Variants in RABGAP1L observed in about 807,000 individuals in gnomAD.
RABGAP1L encodes the protein rab GTPase-activating protein 1-like.
A neutral mutation model predicts 137.7 loss-of-function variants in RABGAP1L; 63 were observed. The ratio of observed to expected loss-of-function variants is 0.46; its 90% CI spans 0.37 to 0.56. The LOEUF is 0.56. Among genes scored for constraint, RABGAP1L ranks in the 20% least tolerant of loss-of-function variants. The pLI is 0.00. For synonymous variants in RABGAP1L, 431 were observed against 433.7 expected, an observed-to-expected ratio of 0.99 and a Z score of 0.08; for missense variants, 1,095 against 1,244.0, an observed-to-expected ratio of 0.88 and a Z score of 1.80.
At chr1:174,532,883 TA>T (rs1280702770) in intron 13 of RABGAP1L, among the ~76,000 whole-genome samples, 1 of 152,176 alleles carries the variant, frequency 6.6e-6, no homozygotes, top group East Asian at 1.9e-4. Context: ...TAAAAACTGA[TA>T]AAAAACTATA....
intron 14 of RABGAP1L, among the ~76,000 whole-genome samples, chr1:174,663,476 C>T (rs955725291): frequency 1.3e-5 from 2 of 152,120 alleles, no homozygotes; most frequent in African/African-American, 4.8e-5. Flanking sequence ...AGCTGTATCA[C>T]CTGAGTTTAT....
intron 1 of RABGAP1L, among the ~76,000 whole-genome samples, chr1:174,211,074 A>G (rs1180826478): frequency 6.6e-6 from 1 of 152,220 alleles, no homozygotes; most frequent in African/African-American, 2.4e-5. Flanking sequence ...GACCTGTCCT[A>G]TAAGAAATGC....
intron 19 of RABGAP1L, among the ~76,000 whole-genome samples, chr1:174,918,665 G>A (rs761225714): frequency 4.6e-5 from 7 of 152,150 alleles, no homozygotes; most frequent in African/African-American, 1.2e-4. Flanking sequence ...TGCACCTGTA[G>A]TCCCAGCTAC....
intron 11 of RABGAP1L, among the ~76,000 whole-genome samples, chr1:174,345,198 G>A (rs1212771700): frequency 6.6e-6 from 1 of 152,106 alleles, no homozygotes; most frequent in African/African-American, 2.4e-5. Flanking sequence ...TAGCTCTTTA[G>A]TATAATTTGA....
chr1:174,434,247 C>A (rs1253833144), intron 13 of RABGAP1L, among the ~76,000 whole-genome samples: 2 of 152,038 alleles, frequency 1.3e-5, no homozygotes, highest in Non-Finnish European at 2.9e-5. Context: ...GTGTATTCTT[C>A]AATGTATGGC....
At chr1:174,830,580 G>A (rs1223823943) in intron 19 of RABGAP1L, among the ~76,000 whole-genome samples, 2 of 146,818 alleles carry the variant, frequency 1.4e-5, no homozygotes, top group African/African-American at 2.5e-5. Context: ...AGGTTCAAGC[G>A]ATTCTCCTTC....
chr1:174,409,809 A>C (rs1649701019), intron 13 of RABGAP1L, among the ~76,000 whole-genome samples: 1 of 152,158 alleles, frequency 6.6e-6, no homozygotes, highest in Non-Finnish European at 1.5e-5. Context: ...TAGGATTGGG[A>C]AACCCCACCC....
chr1:174,958,994 A>G (rs931928078), intron 20 of RABGAP1L, among the ~76,000 whole-genome samples: 1 of 152,330 alleles, frequency 6.6e-6, no homozygotes, highest in African/African-American at 2.4e-5. Flanking sequence ...AGATTATGCA[A>G]TTATTACTAG....
At chr1:174,412,666 A>G (rs1160309647) in intron 13 of RABGAP1L, among the ~76,000 whole-genome samples, 1 of 152,098 alleles carries the variant, frequency 6.6e-6, no homozygotes, top group Non-Finnish European at 1.5e-5. Context: ...GTGGTAATGA[A>G]TTCCCTTAGC....
chr1:174,729,645 T>G (rs1682294162), intron 17 of RABGAP1L, among the ~76,000 whole-genome samples: 1 of 151,968 alleles, frequency 6.6e-6, no homozygotes, highest in Non-Finnish European at 1.5e-5. Flanking sequence ...TAACCCCATT[T>G]AAAAAATGGA....
chr1:174,370,548 G>A (rs1571456095), intron 11 of RABGAP1L, among the ~76,000 whole-genome samples: 2 of 67,404 alleles, frequency 3.0e-5, no homozygotes, highest in Admixed American at 2.0e-4. Context: ...GGTTGTTTGT[G>A]TGTTTATATC....
intron 17 of RABGAP1L, among the ~76,000 whole-genome samples, chr1:174,743,393 A>C (rs1683609449): frequency 6.6e-6 from 1 of 152,166 alleles, no homozygotes; most frequent in Non-Finnish European, 1.5e-5. Flanking sequence ...AAGCTTCAAG[A>C]CCAAAAACGT....
rs763613541 is a variant in RABGAP1L at position 174,643,939 on chromosome 1, G to GTA, written c.1824+6452_1824+6453insAT. 1.7e-4 allele frequency among the ~76,000 whole-genome samples: 25 copies of GTA among 150,174 alleles called. 1 individual carries two copies. The highest frequency in any genetic ancestry group is 6.9e-3 in the Middle Eastern group (2 of 288). ...GGGGTGTGTGTGTGTGTGTGTGTGT[G>GTA]TGTATGTATGTATGTATGTATGTAT... On this transcript the variant is annotated intron_variant, in intron 14 of 25. Transcript: ENST00000681986.
intron 10 of RABGAP1L, among the ~76,000 whole-genome samples, chr1:174,284,021 A>G (rs116725602): frequency 0.012 from 1,835 of 152,340 alleles, 11 homozygotes; most frequent in Middle Eastern, 0.041. Flanking sequence ...AAGGTGTACA[A>G]TGTGATGATT....
chr1:174,190,529 A>G (rs1165090555), intron 1 of RABGAP1L, among the ~76,000 whole-genome samples: 1 of 152,146 alleles, frequency 6.6e-6, no homozygotes, highest in Non-Finnish European at 1.5e-5. Flanking sequence ...TACCCTTTTT[A>G]TCCTTGCTTA....
At chr1:174,851,812 A>G (rs1475374555) in intron 19 of RABGAP1L, among the ~76,000 whole-genome samples, 3 of 151,698 alleles carry the variant, frequency 2.0e-5, no homozygotes, top group Admixed American at 6.6e-5. Context: ...GTGCCACAAC[A>G]CCTGGCCTTT....
intron 19 of RABGAP1L, among the ~76,000 whole-genome samples, chr1:174,858,581 A>T (rs1025084399): frequency 6.6e-6 from 1 of 152,216 alleles, no homozygotes; most frequent in African/African-American, 2.4e-5. Flanking sequence ...GTGTGACTCA[A>T]CTGAGTTCTA....
chr1:174,386,542 T>C (rs1686797321), intron 12 of RABGAP1L, among the ~76,000 whole-genome samples: 1 of 151,766 alleles, frequency 6.6e-6, no homozygotes. Flanking sequence ...AGTTTCACTC[T>C]TGTTGCCCAG....
intron 19 of RABGAP1L, among the ~76,000 whole-genome samples, chr1:174,854,659 T>A (rs928365394): frequency 6.8e-6 from 1 of 146,054 alleles, no homozygotes; most frequent in African/African-American, 2.5e-5. Context: ...ACCAGTGAAT[T>A]TGAAAAAAAA....
Sources: allele counts gnomAD v4.1 joint callset (sites outside exome capture counted in the v4.1 genomes callset), GRCh38; gene constraint gnomAD v4.1.1; transcripts MANE v1.5; gene names NCBI Gene and HGNC (gene_info 2026-07-23, HGNC 2026-07-21).